ZFP92: variants seen among roughly 807,000 people sequenced by gnomAD.
ZFP92 encodes the protein zinc finger protein 92 homolog.
ZFP92 carries 2 observed loss-of-function variants against 7.6 expected under a neutral mutation model. That is an observed-to-expected ratio of 0.26 (90% CI 0.11 to 0.83). ZFP92 has a LOEUF of 0.83. Among genes scored for constraint, ZFP92 ranks in the 40% least tolerant of loss-of-function variants. ZFP92 has a pLI of 0.65. For missense variants in ZFP92, 324 were observed against 408.3 expected (o/e 0.79, Z 1.78); for synonymous variants, 226 against 183.6 (o/e 1.23, Z -1.87).
At position 153,421,055 on chromosome X, in the gene ZFP92, C is replaced by T. The variant is rs1176259467; in HGVS notation, c.678C>T (p.His226=). The T allele has an allele frequency of 1.7e-6, 2 of 1,193,142 alleles. No homozygotes were observed. The highest frequency in any genetic ancestry group is 3.5e-5 in the African/African-American group (2 of 57,086). The change falls in exon 6 of 6, where the codon CAC becomes CAT. Residue 226 remains histidine (H), a synonymous_variant. Transcript: ENST00000338647. ...TFTRSSNLIK[H]QVIHSGERPF... ...CGCGCAGCTCCAACCTCATCAAGCA[C>T]CAGGTCATCCACAGCGGCGAGCGGC...
rs144567490 is a variant in ZFP92, at chrX:153,417,254, G to A, written c.-18-1051G>A. On this transcript the variant is annotated intron_variant, in intron 2 of 5. Coordinates refer to ENST00000338647, the MANE Select transcript of ZFP92 (RefSeq NM_001136273.2). ...TCCTGCTGTCCCTCCAGGGTCCCAC[G>A]TGGTGTCATCCTCTGCGCCTGTTCC... Among the ~76,000 whole-genome samples the A allele has an allele frequency of 3.5e-4, 39 of 112,394 alleles. No individual in the cohort carries two copies. The East Asian group carries it at 0.01, about 29-fold the overall frequency.
At chrX:153,413,424 T>C (rs1245119991) in intron 2 of ZFP92, among the ~76,000 whole-genome samples, 1 of 107,364 alleles carries the variant, frequency 9.3e-6, no homozygotes, top group Non-Finnish European at 1.9e-5. Flanking sequence ...GTTCCACCCA[T>C]AGGCTAAGGT....
chrX:153,419,577 C>G (rs1412296851), intron 4 of ZFP92, among the ~76,000 whole-genome samples: 2 of 112,487 alleles, frequency 1.8e-5, no homozygotes, highest in Non-Finnish European at 3.8e-5. Context: ...GCTGCTGCAG[C>G]TAAGCTCAGA....
Position 153,424,299 on chromosome X carries a change from T to C in ZFP92, c.*2671T>C, listed in dbSNP as rs1182754892. ...TGGCATTTAAAATAGTGCAGCCTTT[T>C]ATCATTGCTTAGTCTAATTTAGCTC... On this transcript the variant is annotated 3_prime_UTR_variant, in exon 6 of 6. Coordinates refer to ENST00000338647, the MANE Select transcript of ZFP92 (RefSeq NM_001136273.2). The C allele has an allele frequency of 8.9e-6, 1 of 112,119 alleles. No homozygotes were observed. Among genetic ancestry groups the C allele is most frequent in the Non-Finnish European group, 1.9e-5 (1 of 53,250 alleles). The allele number at this position is 112,119 out of a possible 1,213,427, so 9.2% of individuals were successfully genotyped here. A position where few individuals can be genotyped will look rare whatever the true frequency, so the allele number is the denominator to read the frequency against.
intron 2 of ZFP92, among the ~76,000 whole-genome samples, chrX:153,412,406 G>A (rs1030010234): frequency 2.7e-5 from 3 of 112,588 alleles, no homozygotes; most frequent in Non-Finnish European, 5.6e-5. Flanking sequence ...GGGACACGGC[G>A]GTAGTAAGCC....
In ZFP92 at chrX:153,423,674, G is replaced by A. The variant is rs1341423094; in HGVS notation, c.*2046G>A. The A allele has an allele frequency of 8.8e-6, 1 of 113,551 alleles. No individual in the cohort carries two copies. The highest frequency in any genetic ancestry group is 3.2e-5 in the African/African-American group (1 of 31,310). The allele number at this position is 113,551 out of a possible 1,213,427, so 9.4% of individuals were successfully genotyped here. A position where few individuals can be genotyped will look rare whatever the true frequency, so the allele number is the denominator to read the frequency against. On this transcript the variant is annotated 3_prime_UTR_variant, in exon 6 of 6. Coordinates refer to ENST00000338647, the MANE Select transcript of ZFP92 (RefSeq NM_001136273.2). Reference sequence around the variant, plus strand: ...TCCTAGCACCTCAGACTCAGGCTTGGGACCATTGTCGGCTCCAGCCTTGCC... The same window carrying A: ...TCCTAGCACCTCAGACTCAGGCTTGAGACCATTGTCGGCTCCAGCCTTGCC...
chrX:153,418,226 G>A (rs1469152293), intron 2 of ZFP92, 79 bp from the exon 3 acceptor site: 10 of 1,075,063 alleles, frequency 9.3e-6, no homozygotes, highest in Non-Finnish European at 1.3e-5. Flanking sequence ...GAAAAACTAA[G>A]CAGGGTCTTC....
rs1383267490 is a variant in ZFP92 at position 153,421,714 on chromosome X, A to G, written c.*86A>G. On this transcript the variant is annotated 3_prime_UTR_variant, in exon 6 of 6. Coordinates refer to ENST00000338647, the MANE Select transcript of ZFP92 (RefSeq NM_001136273.2). Reference sequence around the variant, plus strand: ...GAGGCTCAGCCCCCTTCAGGTGGGAAGACCGCCCTCCCAGGGCCTCGATTG... The same window carrying G: ...GAGGCTCAGCCCCCTTCAGGTGGGAGGACCGCCCTCCCAGGGCCTCGATTG... 1.2e-5 allele frequency: 11 copies of G among 897,955 alleles called. No individual in the cohort carries two copies. Among genetic ancestry groups the G allele is most frequent in the Non-Finnish European group, 1.5e-5 (11 of 729,605 alleles). The allele number at this position is 897,955 out of a possible 1,213,427, so 74.0% of individuals were successfully genotyped here.
At chrX:153,417,124 C>G (rs1556973917) in intron 2 of ZFP92, among the ~76,000 whole-genome samples, 1 of 112,620 alleles carries the variant, frequency 8.9e-6, no homozygotes. Flanking sequence ...ACAGCACTGA[C>G]TGCCATCTGG....
chrX:153,418,062 C>G (rs990574334), intron 2 of ZFP92, among the ~76,000 whole-genome samples: 2 of 111,938 alleles, frequency 1.8e-5, no homozygotes, highest in African/African-American at 6.5e-5. Flanking sequence ...CCTCCAGAAC[C>G]GGGAGAGAAA....
rs1453682818 is a variant in ZFP92, at chrX:153,426,167, C to T, written c.*4539C>T. ...AAAGTGGCCTTGCGCCTCCAGCAAC[C>T]CCTCTTTCCTGCTCCTCACTGTCCC... On this transcript the variant is annotated 3_prime_UTR_variant, in exon 6 of 6. Transcript: ENST00000338647. 9.1e-6 allele frequency: 1 copy of T among 110,293 alleles called. No individual in the cohort carries two copies. Among genetic ancestry groups the T allele is most frequent in the African/African-American group, 3.3e-5 (1 of 30,290 alleles). 9.1% of individuals were successfully genotyped at this position (110,293 alleles called of 1,213,427 possible).
chrX:153,418,806 G>T lies in ZFP92; in HGVS notation c.160+7G>T. 1 of 1,166,643 alleles carries T rather than the reference G, an allele frequency of 8.6e-7. No individual in the cohort carries two copies. Among genetic ancestry groups the T allele is most frequent in the South Asian group, 1.9e-5 (1 of 52,571 alleles). Reference sequence around the variant, plus strand: ...AGCCATTTGGTGTCACTGGGTAAGTGATCCCTCCACGACATACACACACCC... The same window carrying T: ...AGCCATTTGGTGTCACTGGGTAAGTTATCCCTCCACGACATACACACACCC... On this transcript the variant is annotated splice_region_variant and intron_variant, in intron 4 of 5. Transcript: ENST00000338647.
At chrX:153,419,213 C>T (rs914880507) in intron 4 of ZFP92, among the ~76,000 whole-genome samples, 7 of 112,936 alleles carry the variant, frequency 6.2e-5, no homozygotes, top group Non-Finnish European at 1.3e-4. Context: ...AACATCTTTT[C>T]CTTCCATTGA....
At chrX:153,417,929 G>A (rs1602893695) in intron 2 of ZFP92, among the ~76,000 whole-genome samples, 1 of 111,874 alleles carries the variant, frequency 8.9e-6, no homozygotes, top group Non-Finnish European at 1.9e-5. Context: ...CACACAGAGA[G>A]AGGATGGCCA....
rs782425426 is a variant in ZFP92 at position 153,421,141 on chromosome X, C to T, written c.764C>T (p.Ala255Val). Reference protein sequence around the residue: ...FRRSFALLEHARVHSGERPYA... With the variant: ...FRRSFALLEHVRVHSGERPYA... ...CGCAGCTTCGCGCTCCTGGAGCACG[C>T]GCGCGTGCACAGCGGCGAGCGGCCC... Residue 255 changes from alanine to valine, a missense_variant, in exon 6 of 6, where the codon GCG becomes GTG. By Grantham distance (64) the Ala-to-Val change is moderately conservative (BLOSUM62 0). Coordinates refer to ENST00000338647, the MANE Select transcript of ZFP92 (RefSeq NM_001136273.2). 14 of 1,163,284 alleles carry T rather than the reference C, an allele frequency of 1.2e-5. No individual in the cohort carries two copies. The highest frequency in any genetic ancestry group is 5.2e-5 in the Admixed American group (2 of 38,583).
intron 2 of ZFP92, among the ~76,000 whole-genome samples, chrX:153,417,831 G>GT (rs1211559356): frequency 6.3e-5 from 7 of 111,750 alleles, no homozygotes; most frequent in African/African-American, 2.3e-4. Context: ...TGTAATCAAG[G>GT]TAAGATGAGG....
chrX:153,417,589 C>T (rs1430753159), intron 2 of ZFP92, among the ~76,000 whole-genome samples: 1 of 111,740 alleles, frequency 8.9e-6, no homozygotes, highest in Admixed American at 9.5e-5. Context: ...TCAGGGGACG[C>T]TGGCCACATG....
rs147233966 is a variant in ZFP92 at position 153,418,464 on chromosome X, G to A, written c.33+109G>A. 3.9e-3 allele frequency: 4,074 copies of A among 1,046,840 alleles called. 100 individuals carry two copies. The African/African-American group carries it at 0.064, about 17-fold the overall frequency. 86.3% of individuals were successfully genotyped at this position (1,046,840 alleles called of 1,213,427 possible). A position where few individuals can be genotyped will look rare whatever the true frequency, so the allele number is the denominator to read the frequency against. ...CTGAGCTTAGGCTGCCCTTAGCATC[G>A]TTTTCCTTTCCTGAGGCGCACAATC... On this transcript the variant is annotated intron_variant, in intron 3 of 5. Coordinates refer to ENST00000338647, the MANE Select transcript of ZFP92 (RefSeq NM_001136273.2).
At chrX:153,418,595 C>A (rs782323103) in intron 3 of ZFP92, 78 bp from the exon 4 acceptor site, 5 of 1,137,008 alleles carry the variant, frequency 4.4e-6, no homozygotes, top group Non-Finnish European at 4.7e-6. Context: ...CCCCGCCCCC[C>A]ACATTTTGTT....
Sources: allele counts gnomAD v4.1 joint callset (sites outside exome capture counted in the v4.1 genomes callset), GRCh38; gene constraint gnomAD v4.1.1; transcripts MANE v1.5; gene names NCBI Gene and HGNC (gene_info 2026-07-23, HGNC 2026-07-21).